The following RNF150 variants were observed in gnomAD, a reference collection of about 807,000 sequenced individuals.
RNF150 encodes ring finger protein 150.
In RNF150, 24 loss-of-function variants were observed where a neutral mutation model predicts 39.3. The observed-to-expected ratio is 0.61, with a 90% CI of 0.44 to 0.86. RNF150 has a LOEUF of 0.86. Among genes scored for constraint, RNF150 ranks in the 40% least tolerant of loss-of-function variants. RNF150 has a pLI of 0.00. For missense variants in RNF150, 502 were observed against 587.8 expected, an observed-to-expected ratio of 0.85 and a Z score of 1.51; for synonymous variants, 255 against 227.3, an observed-to-expected ratio of 1.12 and a Z score of -1.10.
chr4:141,051,512 T>A (rs1736776067), intron 1 of RNF150, among the ~76,000 whole-genome samples: 1 of 152,202 alleles, frequency 6.6e-6, no homozygotes, highest in Admixed American at 6.5e-5. Context: ...GCTTAGAAAT[T>A]TCTTCTGCCA....
chr4:140,945,574 CA>C (rs1163201329), intron 4 of RNF150, among the ~76,000 whole-genome samples: 1 of 147,446 alleles, frequency 6.8e-6, no homozygotes, highest in African/African-American at 2.5e-5. Flanking sequence ...TACATATATA[CA>C]TATATATACT....
intron 1 of RNF150, among the ~76,000 whole-genome samples, chr4:141,076,443 T>A (rs1737898263): frequency 6.6e-6 from 1 of 152,126 alleles, no homozygotes; most frequent in Non-Finnish European, 1.5e-5. Flanking sequence ...CTGAAGCACA[T>A]GCAAATATGA....
intron 2 of RNF150, among the ~76,000 whole-genome samples, chr4:140,963,816 T>G (rs932338289): frequency 3.3e-5 from 5 of 152,046 alleles, no homozygotes; most frequent in Non-Finnish European, 7.4e-5. Context: ...TGGAAAGACA[T>G]TGGTTAAAAT....
At chr4:140,895,026 A>G (rs1487231602) in intron 6 of RNF150, among the ~76,000 whole-genome samples, 1 of 152,124 alleles carries the variant, frequency 6.6e-6, no homozygotes, top group African/African-American at 2.4e-5. Context: ...AGCCTGGCAA[A>G]AAGAAGTGAG....
intron 1 of RNF150, among the ~76,000 whole-genome samples, chr4:141,162,761 G>A (rs558799828): frequency 5.9e-5 from 9 of 152,250 alleles, no homozygotes; most frequent in African/African-American, 2.2e-4. Context: ...ATGAGGAACA[G>A]TGCTATCCAG....
intron 1 of RNF150, among the ~76,000 whole-genome samples, chr4:140,971,066 G>C (rs1733444951): frequency 2.6e-5 from 4 of 152,060 alleles, no homozygotes; most frequent in Admixed American, 2.6e-4. Context: ...ATCTTATTCT[G>C]ATGAATGCAC....
At chr4:140,997,291 C>A (rs75517203) in intron 1 of RNF150, among the ~76,000 whole-genome samples, 11,542 of 152,184 alleles carry the variant, frequency 0.076, 494 homozygotes, top group Middle Eastern at 0.16. Flanking sequence ...GGTATACATA[C>A]TATCAAATAT....
At position 141,133,044 on chromosome 4, in the gene RNF150, C is replaced by T. The variant is rs1162463917; in HGVS notation, c.-236G>A. 3 of 435,320 alleles carry T rather than the reference C, an allele frequency of 6.9e-6. No homozygotes were observed. Among genetic ancestry groups the T allele is most frequent in the Non-Finnish European group, 1.2e-5 (3 of 244,420 alleles). The allele number at this position is 435,320 out of a possible 1,614,324, so 27.0% of individuals were successfully genotyped here. A position where few individuals can be genotyped will look rare whatever the true frequency, so the allele number is the denominator to read the frequency against. ...CGGTGGTTGCATTTTGCTTCTTGGG[C>T]GCCCGGGGGGCGCGGGAACAGAGGG... is the stretch of plus-strand genomic sequence containing the variant. On this transcript the variant is annotated 5_prime_UTR_variant, in exon 1 of 7. Coordinates refer to ENST00000515673, the MANE Select transcript of RNF150 (RefSeq NM_020724.2).
intron 1 of RNF150, among the ~76,000 whole-genome samples, chr4:141,006,237 T>A (rs796852675): frequency 7.8e-5 from 4 of 51,506 alleles, no homozygotes; most frequent in Non-Finnish European, 2.5e-4. Context: ...TATATGTGTA[T>A]GTATATATAT....
At chr4:140,994,918 C>G (rs1044677578) in intron 1 of RNF150, among the ~76,000 whole-genome samples, 2 of 152,080 alleles carry the variant, frequency 1.3e-5, no homozygotes, top group Non-Finnish European at 2.9e-5. Flanking sequence ...GCATACAATG[C>G]TTAATAATAA....
At chr4:141,212,616 A>G (rs1212755241) in intron 1 of RNF150, among the ~76,000 whole-genome samples, 2 of 152,110 alleles carry the variant, frequency 1.3e-5, no homozygotes, top group African/African-American at 4.8e-5. Flanking sequence ...CTTTGTTTCT[A>G]CACTGAGGCT....
At chr4:141,190,293 A>ATCAG (rs1728088651) in intron 1 of RNF150, among the ~76,000 whole-genome samples, 1 of 152,062 alleles carries the variant, frequency 6.6e-6, no homozygotes, top group African/African-American at 2.4e-5. Context: ...AGATCCCCCA[A>ATCAG]TCAGTCGATT....
intron 1 of RNF150, among the ~76,000 whole-genome samples, chr4:141,165,081 A>T (rs1301798695): frequency 1.3e-5 from 2 of 152,178 alleles, no homozygotes; most frequent in Middle Eastern, 3.2e-3. Context: ...GACATAGCCT[A>T]AAACTAAAAA....
At chr4:140,887,637 T>G (rs953767864) in intron 6 of RNF150, among the ~76,000 whole-genome samples, 1 of 152,110 alleles carries the variant, frequency 6.6e-6, no homozygotes, top group Non-Finnish European at 1.5e-5. Flanking sequence ...TGTACAAGTG[T>G]CACCCTGTTA....
chr4:141,107,511 A>G (rs946285134), intron 1 of RNF150, among the ~76,000 whole-genome samples: 2 of 152,214 alleles, frequency 1.3e-5, no homozygotes, highest in Admixed American at 6.5e-5. Context: ...CCACTAAACC[A>G]TATAGTCTAT....
chr4:140,987,396 C>T (rs561845110), intron 1 of RNF150, among the ~76,000 whole-genome samples: 1 of 151,866 alleles, frequency 6.6e-6, no homozygotes, highest in Non-Finnish European at 1.5e-5. Flanking sequence ...CCAAACTGTA[C>T]AAAAACTGGT....
chr4:141,009,934 A>G (rs972137774), intron 1 of RNF150, among the ~76,000 whole-genome samples: 1 of 152,166 alleles, frequency 6.6e-6, no homozygotes, highest in Non-Finnish European at 1.5e-5. Context: ...AGGGTGCAAT[A>G]GATGTTGGTT....
intron 1 of RNF150, among the ~76,000 whole-genome samples, chr4:141,114,225 G>A (rs1209519521): frequency 6.6e-6 from 1 of 152,082 alleles, no homozygotes; most frequent in East Asian, 1.9e-4. Context: ...CCAGGAGCTG[G>A]TTTTTTGAAA....
At chr4:140,907,263 G>A (rs1469939982) in intron 6 of RNF150, among the ~76,000 whole-genome samples, 1 of 152,148 alleles carries the variant, frequency 6.6e-6, no homozygotes, top group African/African-American at 2.4e-5. Context: ...ACATGAAGGT[G>A]GAGGAGATAC....
Sources: gnomAD v4.1 joint callset for allele counts (sites outside exome capture counted in the v4.1 genomes callset) on GRCh38, gnomAD v4.1.1 for gene constraint, MANE v1.5 for transcripts, NCBI Gene and HGNC (gene_info 2026-07-23, HGNC 2026-07-21) for gene names.